GSDMC: variants seen among roughly 807,000 people sequenced by gnomAD.
GSDMC encodes the protein gasdermin-C.
GSDMC carries 59 observed loss-of-function variants against 58.0 expected under a neutral mutation model. That is an observed-to-expected ratio of 1.02 (90% CI 0.82 to 1.26). The LOEUF (loss-of-function observed/expected upper bound fraction) is 1.26. Among genes scored for constraint, GSDMC ranks in the 50% most tolerant of loss-of-function variants. GSDMC has a pLI of 0.00. For synonymous variants in GSDMC, 241 were observed against 220.2 expected, an observed-to-expected ratio of 1.09 and a Z score of -0.83; for missense variants, 659 against 598.5, an observed-to-expected ratio of 1.10 and a Z score of -1.06.
At position 129,765,621 on chromosome 8, in the gene GSDMC, T is replaced by G. The variant is rs1188482881; in HGVS notation, c.570+7A>C. 1 of 1,610,082 alleles carries G rather than the reference T, an allele frequency of 6.2e-7. No individual in the cohort carries two copies. Among genetic ancestry groups the G allele is most frequent in the African/African-American group, 1.3e-5 (1 of 74,830 alleles). ...AATTTCAATCCCACTTCAGGACAAC[T>G]TTATACCTTGCCATAGGTAATCCAA... On this transcript the variant is annotated splice_region_variant and intron_variant, in intron 4 of 13. Transcript: ENST00000276708.
intron 3 of GSDMC, among the ~76,000 whole-genome samples, chr8:129,774,540 AAG>A (rs1554635950): frequency 6.6e-6 from 1 of 151,232 alleles, no homozygotes; most frequent in East Asian, 1.9e-4. Context: ...AAAAAAAAAA[AAG>A]AAAAGAAAAG....
chr8:129,785,497 C>T (rs1434880344), intron 1 of GSDMC, among the ~76,000 whole-genome samples: 1 of 150,918 alleles, frequency 6.6e-6, no homozygotes, highest in East Asian at 1.9e-4. Flanking sequence ...TATTCGATAG[C>T]ACAACAGGGT....
the GSDMC span, among the ~76,000 whole-genome samples, chr8:129,735,293 G>A: frequency 6.6e-6 from 1 of 152,148 alleles, no homozygotes; most frequent in Non-Finnish European, 1.5e-5. Context: ...ACTCAGCTCT[G>A]CACCAAGTGG....
At chr8:129,753,093 T>C (rs1342422365) in intron 6 of GSDMC, among the ~76,000 whole-genome samples, 2 of 152,256 alleles carry the variant, frequency 1.3e-5, no homozygotes, top group African/African-American at 2.4e-5. Context: ...GTTTAGGCAA[T>C]TTCTAATGCT....
chr8:129,778,206 A>T (rs1051489845), intron 1 of GSDMC, among the ~76,000 whole-genome samples: 5 of 152,202 alleles, frequency 3.3e-5, no homozygotes, highest in Non-Finnish European at 7.3e-5. Context: ...CATTATGTGG[A>T]GAAAAGAATT....
intron 3 of GSDMC, among the ~76,000 whole-genome samples, chr8:129,767,822 C>T (rs182865483): frequency 2.9e-4 from 44 of 152,078 alleles, no homozygotes; most frequent in African/African-American, 9.6e-4. Context: ...AGTCAGGGAG[C>T]ACTTCATGGG....
At chr8:129,772,919 C>A (rs925627571) in intron 3 of GSDMC, among the ~76,000 whole-genome samples, 1 of 152,134 alleles carries the variant, frequency 6.6e-6, no homozygotes, top group Admixed American at 6.5e-5. Flanking sequence ...ACATACACCA[C>A]AAACAAGTGG....
chr8:129,765,735 G>GC lies in GSDMC; in HGVS notation c.462_463insG (p.Leu155AlafsTer9). On this transcript the variant is annotated frameshift_variant, in exon 4 of 14. Coordinates refer to ENST00000276708, the MANE Select transcript of GSDMC (RefSeq NM_031415.3). LOFTEE classifies it high-confidence loss of function. ...TCAACAGCCTCTGTCACCACGTACA[G>GC]GTTGTCCCCTCTCCTCCGGCACTCC... 1 of 1,613,174 alleles carries GC rather than the reference G, an allele frequency of 6.2e-7. No individual in the cohort carries two copies. Among genetic ancestry groups the GC allele is most frequent in the Non-Finnish European group, 8.5e-7 (1 of 1,179,094 alleles).
the GSDMC span, among the ~76,000 whole-genome samples, chr8:129,728,546 T>G: frequency 2.0e-5 from 3 of 152,162 alleles, no homozygotes; most frequent in African/African-American, 4.8e-5. Flanking sequence ...GACCTGCAGG[T>G]GTACCCCCAA....
At chr8:129,744,468 C>G (rs1409521821), downstream of GSDMC, among the ~76,000 whole-genome samples, 1 of 152,032 alleles carries the variant, frequency 6.6e-6, no homozygotes, top group African/African-American at 2.4e-5. Flanking sequence ...AACAATATTG[C>G]CCAGGAAATG....
At chr8:129,727,119 T>C in the GSDMC span, among the ~76,000 whole-genome samples, 6 of 152,224 alleles carry the variant, frequency 3.9e-5, 1 homozygote, top group South Asian at 1.2e-3. Flanking sequence ...TGTGCCCTTA[T>C]TTGGAAATAG....
chr8:129,767,867 C>A (rs2033919163), intron 3 of GSDMC, among the ~76,000 whole-genome samples: 1 of 152,194 alleles, frequency 6.6e-6, no homozygotes, highest in South Asian at 2.1e-4. Context: ...CAGAGCCCAG[C>A]CTAAAGCCCT....
chr8:129,737,426 C>T, the GSDMC span, among the ~76,000 whole-genome samples: 4 of 152,222 alleles, frequency 2.6e-5, no homozygotes, highest in African/African-American at 9.6e-5. Flanking sequence ...CAGCATGGTA[C>T]TGTTACCAAA....
chr8:129,755,167 C>T (rs1354082425), intron 6 of GSDMC, among the ~76,000 whole-genome samples: 1 of 152,068 alleles, frequency 6.6e-6, no homozygotes, highest in African/African-American at 2.4e-5. Context: ...CAAGGTGTCT[C>T]ATAATCAAAC....
chr8:129,784,155 G>T (rs1414871362), intron 1 of GSDMC, among the ~76,000 whole-genome samples: 1 of 152,076 alleles, frequency 6.6e-6, no homozygotes, highest in African/African-American at 2.4e-5. Context: ...GAAAACACTG[G>T]GGAAACTCTC....
At chr8:129,765,565 C>T in intron 4 of GSDMC, 63 bp downstream of exon 4, 1 of 1,216,112 alleles carries the variant, frequency 8.2e-7, no homozygotes, top group Non-Finnish European at 1.2e-6. Context: ...GGAAATGAAG[C>T]TTGGCTGCCA....
chr8:129,751,598 T>A, intron 9 of GSDMC, 30 bp from the exon 10 acceptor site: 1 of 1,607,502 alleles, frequency 6.2e-7, no homozygotes, highest in Non-Finnish European at 8.5e-7. Context: ...ATCATCTCAC[T>A]TCCTCATCCC....
the GSDMC span, among the ~76,000 whole-genome samples, chr8:129,716,653 T>C: frequency 4.6e-5 from 7 of 152,210 alleles, no homozygotes; most frequent in African/African-American, 1.7e-4. Context: ...TCCAATACTA[T>C]GTTGAATAGG....
At chr8:129,726,335 G>GC in the GSDMC span, among the ~76,000 whole-genome samples, 1 of 152,118 alleles carries the variant, frequency 6.6e-6, no homozygotes, top group Non-Finnish European at 1.5e-5. Context: ...ACTTCTCCCA[G>GC]CCCACTCCAT....
Sources: allele counts gnomAD v4.1 joint callset (sites outside exome capture counted in the v4.1 genomes callset), GRCh38; gene constraint gnomAD v4.1.1; transcripts MANE v1.5; gene names NCBI Gene and HGNC (gene_info 2026-07-23, HGNC 2026-07-21).